The following WWOX variants were observed in gnomAD, a reference collection of about 807,000 sequenced individuals.
WWOX encodes WW domain containing oxidoreductase.
In WWOX, 69 loss-of-function variants were observed where a neutral mutation model predicts 46.2. The ratio of observed to expected loss-of-function variants is 1.49; its 90% CI spans 1.23 to 1.82. WWOX has a LOEUF of 1.82. Among genes scored for constraint, WWOX ranks in the 40% most tolerant of loss-of-function variants. The pLI is 0.00. For missense variants in WWOX, 919 were observed against 542.6 expected, an observed-to-expected ratio of 1.69 and a Z score of -6.89; for synonymous variants, 359 against 202.6, an observed-to-expected ratio of 1.77 and a Z score of -6.56.
At chr16:78,364,695 A>T (rs1039777563) in intron 5 of WWOX, among the ~76,000 whole-genome samples, 2 of 152,146 alleles carry the variant, frequency 1.3e-5, no homozygotes, top group African/African-American at 4.8e-5. Context: ...GTCACTTTGT[A>T]AATACATTCC....
At chr16:78,759,588 A>G (rs1487311100) in intron 8 of WWOX, among the ~76,000 whole-genome samples, 1 of 152,174 alleles carries the variant, frequency 6.6e-6, no homozygotes, top group African/African-American at 2.4e-5. Flanking sequence ...CCTCTAAAGA[A>G]TTCTCAATCT....
chr16:78,427,750 C>T (rs1031605737), intron 7 of WWOX, among the ~76,000 whole-genome samples: 2 of 151,958 alleles, frequency 1.3e-5, no homozygotes, highest in Non-Finnish European at 1.5e-5. Flanking sequence ...TGCATTCCAG[C>T]CTGGGTGACA....
At chr16:78,247,459 G>C (rs1451005783) in intron 5 of WWOX, among the ~76,000 whole-genome samples, 3 of 152,084 alleles carry the variant, frequency 2.0e-5, no homozygotes, top group African/African-American at 7.2e-5. Context: ...CATTGGTAAG[G>C]ATGCAGTCCT....
intron 8 of WWOX, among the ~76,000 whole-genome samples, chr16:78,998,838 C>T (rs2047039826): frequency 6.6e-6 from 1 of 152,248 alleles, no homozygotes; most frequent in Admixed American, 6.5e-5. Flanking sequence ...ATGTCAGGGT[C>T]TCTGAAATCT....
chr16:78,842,114 G>C (rs1407884489), intron 8 of WWOX, among the ~76,000 whole-genome samples: 2 of 152,152 alleles, frequency 1.3e-5, no homozygotes, highest in East Asian at 1.9e-4. Flanking sequence ...AGATTAGAGA[G>C]ATCAGCAATG....
rs139822644 is a variant in WWOX at position 78,366,937 on chromosome 16, C to T, written c.517-19923C>T. ...GATGTAGGAGAGAAGTTGAAATTAGCTGGGGTTTTTTTTTTGTATCACAAA... is the reference window on the plus strand; with the variant it reads ...GATGTAGGAGAGAAGTTGAAATTAGTTGGGGTTTTTTTTTTGTATCACAAA... On this transcript the variant is annotated intron_variant, in intron 5 of 8. Transcript: ENST00000566780. Among the ~76,000 whole-genome samples, 648 of 140,028 alleles carry T rather than the reference C, an allele frequency of 4.6e-3. 6 individuals are homozygous for T. Among genetic ancestry groups the T allele is most frequent in the African/African-American group, 0.016 (620 of 37,730 alleles). The allele number at this position is 140,028 out of a possible 152,430, so 91.9% of individuals were successfully genotyped here.
intron 8 of WWOX, among the ~76,000 whole-genome samples, chr16:78,905,141 G>T (rs1447719796): frequency 6.6e-6 from 1 of 152,146 alleles, no homozygotes; most frequent in African/African-American, 2.4e-5. Flanking sequence ...ATTTGGAACT[G>T]ACCCTCTATG....
chr16:78,261,772 G>GTATATATA (rs1428611663), intron 5 of WWOX, among the ~76,000 whole-genome samples: 1 of 129,992 alleles, frequency 7.7e-6, no homozygotes, highest in African/African-American at 2.9e-5. Context: ...ATCTATCTAT[G>GTATATATA]TATCTATCTA....
intron 8 of WWOX, among the ~76,000 whole-genome samples, chr16:78,533,716 T>C (rs114789843): frequency 0.014 from 2,168 of 152,302 alleles, 23 homozygotes; most frequent in African/African-American, 0.027. Flanking sequence ...GTGCTCCAGG[T>C]CTGAGCAGAA....
chr16:79,123,799 C>G (rs1035877104), intron 8 of WWOX, among the ~76,000 whole-genome samples: 1 of 152,104 alleles, frequency 6.6e-6, no homozygotes, highest in Non-Finnish European at 1.5e-5. Flanking sequence ...TCTTGAATCC[C>G]AGGACAATTC....
chr16:78,303,516 G>A (rs143443193), intron 5 of WWOX, among the ~76,000 whole-genome samples: 249 of 152,050 alleles, frequency 1.6e-3, no homozygotes, highest in African/African-American at 5.6e-3. Context: ...GTGCTCTTTC[G>A]TTTTTGTTTT....
chr16:78,693,612 G>A (rs866180173), intron 8 of WWOX, among the ~76,000 whole-genome samples: 13 of 152,144 alleles, frequency 8.5e-5, no homozygotes, highest in Admixed American at 3.3e-4. Context: ...GTCACCTGTC[G>A]GGAACATTTG....
chr16:79,002,974 A>G (rs1252991934), intron 8 of WWOX, among the ~76,000 whole-genome samples: 1 of 152,240 alleles, frequency 6.6e-6, no homozygotes, highest in East Asian at 1.9e-4. Flanking sequence ...GATATCGCTC[A>G]GAAAATCATT....
At chr16:78,712,858 G>A (rs1168279645) in intron 8 of WWOX, among the ~76,000 whole-genome samples, 2 of 152,108 alleles carry the variant, frequency 1.3e-5, no homozygotes, top group Admixed American at 1.3e-4. Context: ...AATTATTGTT[G>A]GCCGACTGTG....
intron 4 of WWOX, among the ~76,000 whole-genome samples, chr16:78,161,320 C>G (rs1386133027): frequency 6.6e-6 from 1 of 151,988 alleles, no homozygotes; most frequent in Non-Finnish European, 1.5e-5. Flanking sequence ...TTTAAATATA[C>G]CACCTTATTA....
At chr16:78,791,520 C>T (rs1198830120) in intron 8 of WWOX, among the ~76,000 whole-genome samples, 1 of 152,070 alleles carries the variant, frequency 6.6e-6, no homozygotes, top group Non-Finnish European at 1.5e-5. Flanking sequence ...CTTGTGTTCC[C>T]CAGATGGGTT....
At chr16:79,032,541 A>G (rs2047784205) in intron 8 of WWOX, among the ~76,000 whole-genome samples, 1 of 148,362 alleles carries the variant, frequency 6.7e-6, no homozygotes, top group Admixed American at 6.8e-5. Flanking sequence ...TCTAGTATAT[A>G]TTATACATGT....
At chr16:78,784,838 C>G (rs2050415699) in intron 8 of WWOX, among the ~76,000 whole-genome samples, 1 of 152,158 alleles carries the variant, frequency 6.6e-6, no homozygotes, top group Non-Finnish European at 1.5e-5. Flanking sequence ...AAGGGATACT[C>G]ATGGTTGAAG....
At chr16:78,440,712 C>G (rs28714256) in intron 8 of WWOX, among the ~76,000 whole-genome samples, 12,373 of 151,682 alleles carry the variant, frequency 0.082, 911 homozygotes, top group African/African-American at 0.19. Context: ...CGCGCCTCCC[C>G]AGTTCAAGCA....
Sources: gnomAD v4.1 joint callset for allele counts (sites outside exome capture counted in the v4.1 genomes callset) on GRCh38, gnomAD v4.1.1 for gene constraint, MANE v1.5 for transcripts, NCBI Gene and HGNC (gene_info 2026-07-23, HGNC 2026-07-21) for gene names.